Variants in NELL1 observed in about 807,000 individuals in gnomAD.
NELL1 encodes the protein protein kinase C-binding protein NELL1.
A neutral mutation model predicts 107.4 loss-of-function variants in NELL1; 76 were observed. The observed-to-expected ratio is 0.71, with a 90% CI of 0.59 to 0.86. The LOEUF is 0.86. Among genes scored for constraint, NELL1 ranks in the 40% least tolerant of loss-of-function variants. NELL1 has a pLI of 0.00. For missense variants in NELL1, 1,024 were observed against 1,005.5 expected, an observed-to-expected ratio of 1.02 and a Z score of -0.25; for synonymous variants, 353 against 341.2, an observed-to-expected ratio of 1.03 and a Z score of -0.38.
At chr11:21,519,546 T>TTG (rs1491586638) in intron 15 of NELL1, among the ~76,000 whole-genome samples, 4 of 11,996 alleles carry the variant, frequency 3.3e-4, no homozygotes, top group East Asian at 6.0e-3. Context: ...TTGTTTTTTG[T>TTG]TTTTTTTTTT....
chr11:21,132,057 C>T (rs2133758620), intron 13 of NELL1, among the ~76,000 whole-genome samples: 1 of 152,194 alleles, frequency 6.6e-6, no homozygotes, highest in South Asian at 2.1e-4. Flanking sequence ...CAAATATCAC[C>T]CCTCTGGCAT....
At chr11:20,873,729 C>T (rs1231341972) in intron 4 of NELL1, among the ~76,000 whole-genome samples, 1 of 150,080 alleles carries the variant, frequency 6.7e-6, no homozygotes, top group Non-Finnish European at 1.5e-5. Flanking sequence ...CTTTCCCTGG[C>T]TGATGCTGTT....
intron 15 of NELL1, among the ~76,000 whole-genome samples, chr11:21,451,515 C>A (rs1379646635): frequency 6.6e-6 from 1 of 152,094 alleles, no homozygotes; most frequent in Non-Finnish European, 1.5e-5. Context: ...TACAAGGAGG[C>A]TTTTCTTCTG....
intron 2 of NELL1, among the ~76,000 whole-genome samples, chr11:20,775,053 C>T (rs893762707): frequency 3.9e-5 from 6 of 152,112 alleles, no homozygotes; most frequent in African/African-American, 9.7e-5. Context: ...GTAGGATGTC[C>T]TTCTTGTTTC....
chr11:21,112,949 A>G (rs1310198133), intron 12 of NELL1, among the ~76,000 whole-genome samples: 1 of 152,054 alleles, frequency 6.6e-6, no homozygotes, highest in African/African-American at 2.4e-5. Flanking sequence ...ACGAACTTTT[A>G]TGAGAAAGCA....
chr11:21,243,215 G>C (rs1418294587), intron 14 of NELL1, among the ~76,000 whole-genome samples: 2 of 152,028 alleles, frequency 1.3e-5, no homozygotes, highest in Non-Finnish European at 2.9e-5. Flanking sequence ...ATTTTTATTA[G>C]GAATAATGAA....
At chr11:21,416,629 T>G (rs1945431) in intron 15 of NELL1, among the ~76,000 whole-genome samples, 15,459 of 152,098 alleles carry the variant, frequency 0.1, 1,815 homozygotes, top group African/African-American at 0.26. Context: ...GATGTTAATA[T>G]GGTGATTTTT....
chr11:21,230,028 C>A (rs1244599872), intron 14 of NELL1, among the ~76,000 whole-genome samples: 2 of 152,168 alleles, frequency 1.3e-5, no homozygotes, highest in Non-Finnish European at 2.9e-5. Flanking sequence ...TTTACCTCAG[C>A]CTACTGGGTC....
At chr11:21,384,603 C>A (rs1851696418) in intron 15 of NELL1, among the ~76,000 whole-genome samples, 1 of 151,988 alleles carries the variant, frequency 6.6e-6, no homozygotes, top group African/African-American at 2.4e-5. Flanking sequence ...CGCCTCTCCC[C>A]ACCCCACAAC....
intron 13 of NELL1, among the ~76,000 whole-genome samples, chr11:21,220,499 T>C (rs891463255): frequency 3.3e-5 from 5 of 152,216 alleles, no homozygotes; most frequent in Non-Finnish European, 7.3e-5. Flanking sequence ...TTCTTTCAAT[T>C]CATGAACATG....
chr11:21,104,512 T>C (rs536404329), intron 12 of NELL1, among the ~76,000 whole-genome samples: 1 of 152,232 alleles, frequency 6.6e-6, no homozygotes, highest in South Asian at 2.1e-4. Context: ...CATAGCTACA[T>C]GTGGAAAATA....
At chr11:21,259,340 G>C (rs768200294) in intron 14 of NELL1, among the ~76,000 whole-genome samples, 2 of 151,892 alleles carry the variant, frequency 1.3e-5, no homozygotes, top group Admixed American at 1.3e-4. Context: ...GTCAGGGAAG[G>C]CTTTAGAGAA....
chr11:21,496,821 T>C (rs1854992391), intron 15 of NELL1, among the ~76,000 whole-genome samples: 1 of 152,190 alleles, frequency 6.6e-6, no homozygotes, highest in Admixed American at 6.5e-5. Flanking sequence ...AAACCATTCC[T>C]GTGTCTAAGC....
At chr11:21,455,007 T>G (rs1291151036) in intron 15 of NELL1, among the ~76,000 whole-genome samples, 1 of 152,266 alleles carries the variant, frequency 6.6e-6, no homozygotes, top group African/African-American at 2.4e-5. Flanking sequence ...TCTTTAATCT[T>G]TTTGTCGTAG....
intron 15 of NELL1, among the ~76,000 whole-genome samples, chr11:21,382,940 G>A (rs1851645448): frequency 6.6e-6 from 1 of 151,852 alleles, no homozygotes; most frequent in Non-Finnish European, 1.5e-5. Flanking sequence ...GGATAAATAG[G>A]AAGAAAATCT....
At chr11:20,926,422 T>G (rs1186343893) in intron 7 of NELL1, among the ~76,000 whole-genome samples, 1 of 152,074 alleles carries the variant, frequency 6.6e-6, no homozygotes, top group Admixed American at 6.6e-5. Context: ...CAGGATGGAT[T>G]ACAATGAAAA....
intron 2 of NELL1, among the ~76,000 whole-genome samples, chr11:20,747,998 C>G (rs975983851): frequency 2.0e-5 from 3 of 152,148 alleles, no homozygotes; most frequent in African/African-American, 7.2e-5. Context: ...GATTGCAAAG[C>G]TCCAATTACT....
intron 14 of NELL1, among the ~76,000 whole-genome samples, chr11:21,360,338 TG>T (rs1411671599): frequency 6.6e-6 from 1 of 152,192 alleles, no homozygotes; most frequent in Non-Finnish European, 1.5e-5. Flanking sequence ...TTTATTCCAC[TG>T]GGGTCTGAGA....
At chr11:21,441,330 C>CGTGTGTGTGTGTGTGTGTGTGTGTGT (rs201892977) in intron 15 of NELL1, among the ~76,000 whole-genome samples, 7 of 140,148 alleles carry the variant, frequency 5.0e-5, no homozygotes, top group African/African-American at 1.8e-4. Flanking sequence ...GAGGCTGTGA[C>CGTGTGTGTGTGTGTGTGTGTGTGTGT]GTGTGTGTGT....
Sources: gnomAD v4.1 joint callset for allele counts (sites outside exome capture counted in the v4.1 genomes callset) on GRCh38, gnomAD v4.1.1 for gene constraint, MANE v1.5 for transcripts, NCBI Gene and HGNC (gene_info 2026-07-23, HGNC 2026-07-21) for gene names.